Variants in SLC26A5 observed in about 807,000 individuals in gnomAD.
The protein encoded by SLC26A5 is prestin.
A neutral mutation model predicts 81.0 loss-of-function variants in SLC26A5; 51 were observed. The ratio of observed to expected loss-of-function variants is 0.63; its 90% CI spans 0.50 to 0.80. The LOEUF (loss-of-function observed/expected upper bound fraction) is 0.80. Among genes scored for constraint, SLC26A5 ranks in the 30% least tolerant of loss-of-function variants. The pLI is 0.00. For missense variants in SLC26A5, 771 were observed against 905.8 expected (o/e 0.85, Z 1.91); for synonymous variants, 325 against 332.8 (o/e 0.98, Z 0.25).
At chr7:103,361,281 C>T (rs927703762) in intron 19 of SLC26A5, among the ~76,000 whole-genome samples, 26 of 150,414 alleles carry the variant, frequency 1.7e-4, no homozygotes, top group Non-Finnish European at 3.4e-4. Flanking sequence ...GTTGGGATTT[C>T]GAGACCAGCC....
intron 4 of SLC26A5, among the ~76,000 whole-genome samples, chr7:103,419,907 T>TAAA (rs1825205486): frequency 6.6e-6 from 1 of 152,132 alleles, no homozygotes; most frequent in African/African-American, 2.4e-5. Flanking sequence ...ATAATTAAAA[T>TAAA]TTTTATATGT....
rs76841934 is a variant in SLC26A5 at position 103,418,768 on chromosome 7, T to C, written c.292+1970A>G. On this transcript the variant is annotated intron_variant, in intron 4 of 19. Coordinates refer to ENST00000306312, the MANE Select transcript of SLC26A5 (RefSeq NM_198999.3). The stretch of plus-strand genomic sequence containing the variant: ...TGACCTACAGCTGTTCAAGCCATTA[T>C]CACCTTTGCCTACCATGAGCTGCTG... Among the ~76,000 whole-genome samples the C allele has an allele frequency of 8.2e-3, 1,256 of 152,296 alleles. 17 individuals carry two copies. Among genetic ancestry groups the C allele is most frequent in the African/African-American group, 0.029 (1,206 of 41,556 alleles).
intron 2 of SLC26A5, among the ~76,000 whole-genome samples, chr7:103,436,730 T>G (rs1041712957): frequency 1.3e-5 from 2 of 152,196 alleles, no homozygotes; most frequent in Non-Finnish European, 2.9e-5. Flanking sequence ...CTGGGAAAAC[T>G]GGCTATCCAC....
chr7:103,423,992 G>A (rs900924117), intron 2 of SLC26A5, among the ~76,000 whole-genome samples: 2 of 152,116 alleles, frequency 1.3e-5, no homozygotes, highest in South Asian at 4.2e-4. Flanking sequence ...TGTATGAGTG[G>A]AGTTTGACAC....
rs778471150 is a variant in SLC26A5 at position 103,374,460 on chromosome 7, G to A, written c.2174C>T (p.Ser725Leu). Reference protein sequence around the residue: ...LREALAEQEASAPPSQEDLEP... With the variant: ...LREALAEQEALAPPSQEDLEP... ...CAAGTCCTCCTGGGAAGGGGGAGCC[G>A]AGGCTTCCTGTTCAGCAAGTGCCTC... The change falls in exon 20 of 20, where the codon TCG (serine) becomes TTG (leucine). Residue 725 changes from serine to leucine, a missense_variant. Coordinates refer to ENST00000306312, the MANE Select transcript of SLC26A5 (RefSeq NM_198999.3). The A allele has an allele frequency of 3.1e-6, 5 of 1,613,194 alleles. No homozygotes were observed. The highest frequency in any genetic ancestry group is 2.2e-5 in the South Asian group (2 of 91,026).
chr7:103,371,127 C>T (rs1821006812), downstream of SLC26A5, among the ~76,000 whole-genome samples: 1 of 152,116 alleles, frequency 6.6e-6, no homozygotes, highest in Non-Finnish European at 1.5e-5. Flanking sequence ...AACATTCTGA[C>T]GTATTTACAT....
chr7:103,412,704 C>G (rs986514978), intron 5 of SLC26A5, among the ~76,000 whole-genome samples: 2 of 151,914 alleles, frequency 1.3e-5, no homozygotes, highest in Non-Finnish European at 2.9e-5. Flanking sequence ...CACCCCTCAC[C>G]AAGCCTGGCA....
intron 4 of SLC26A5, among the ~76,000 whole-genome samples, chr7:103,420,434 T>C (rs1384660575): frequency 6.6e-6 from 1 of 151,864 alleles, no homozygotes; most frequent in Non-Finnish European, 1.5e-5. Context: ...TAGCTGAGAC[T>C]ACAGGCATGC....
chr7:103,386,390 ACT>A (rs1160020066), intron 14 of SLC26A5, among the ~76,000 whole-genome samples: 1 of 151,560 alleles, frequency 6.6e-6, no homozygotes, highest in Non-Finnish European at 1.5e-5. Flanking sequence ...ACACGATGAA[ACT>A]CTGTCTTTAC....
In SLC26A5 at chr7:103,367,348, C is replaced by CA. The variant is rs1820769294; in HGVS notation, c.2041+9459dup. 1 of 1,508,978 alleles carries CA rather than the reference C, an allele frequency of 6.6e-7. No homozygotes were observed. The highest frequency in any genetic ancestry group is 1.4e-5 in the African/African-American group (1 of 72,578). 93.5% of individuals were successfully genotyped at this position (1,508,978 alleles called of 1,614,324 possible). A position where few individuals can be genotyped will look rare whatever the true frequency, so the allele number is the denominator to read the frequency against. On this transcript the variant is annotated intron_variant, in intron 19 of 19. Transcript: ENST00000339444. This position sits in a 1 kb window ranked among gnomAD's most constrained non-coding sequence, Gnocchi z 6.1. ...TTTGAGCTGAGATTTTTGGTACTTT[C>CA]AGGTCATGCATAGTGCTACTCTTGA...
At chr7:103,424,919 C>G (rs780957074) in intron 2 of SLC26A5, among the ~76,000 whole-genome samples, 5 of 152,196 alleles carry the variant, frequency 3.3e-5, no homozygotes, top group Non-Finnish European at 5.9e-5. Context: ...AATGGGTATT[C>G]ACTACTTGTG....
At chr7:103,382,372 C>A (rs1336628989) in intron 14 of SLC26A5, among the ~76,000 whole-genome samples, 1 of 95,340 alleles carries the variant, frequency 1.0e-5, no homozygotes, top group Non-Finnish European at 1.9e-5. Flanking sequence ...TTTTTTGAGG[C>A]GGAGTCTTAT....
At chr7:103,373,194 C>T (rs1046472299), downstream of SLC26A5, among the ~76,000 whole-genome samples, 1 of 152,100 alleles carries the variant, frequency 6.6e-6, no homozygotes, top group African/African-American at 2.4e-5. Context: ...AAAGGAATAC[C>T]ACACAGATAA....
intron 17 of SLC26A5, among the ~76,000 whole-genome samples, 182 bp from the exon 18 acceptor site, chr7:103,377,981 A>C (rs1821484878): frequency 6.6e-6 from 1 of 152,222 alleles, no homozygotes; most frequent in Non-Finnish European, 1.5e-5. Flanking sequence ...TATGTATAAC[A>C]TTCCATTTTA....
intron 14 of SLC26A5, among the ~76,000 whole-genome samples, chr7:103,388,046 G>GT (rs1340538871): frequency 2.0e-5 from 3 of 151,832 alleles, no homozygotes; most frequent in African/African-American, 4.8e-5. Context: ...ACAAAAAGGT[G>GT]TTTTTTTGTT....
chr7:103,374,317 A>T lies in SLC26A5; in HGVS notation c.*82T>A. ...ACTAGTATTCACCCTTAGAAAAAAA[A>T]ATCTAGCGTCTAGTATTTAAAACGT... On this transcript the variant is annotated 3_prime_UTR_variant, in exon 20 of 20. Transcript: ENST00000306312. 1.3e-6 allele frequency: 2 copies of T among 1,568,802 alleles called. No individual in the cohort carries two copies. Among genetic ancestry groups the T allele is most frequent in the Non-Finnish European group, 1.7e-6 (2 of 1,158,242 alleles).
chr7:103,389,724 G>A (rs1276972393), intron 12 of SLC26A5, among the ~76,000 whole-genome samples: 1 of 152,150 alleles, frequency 6.6e-6, no homozygotes, highest in Non-Finnish European at 1.5e-5. Flanking sequence ...CCAGGTTCAA[G>A]CAATTCTCCT....
chr7:103,410,349 G>A (rs751620168), intron 7 of SLC26A5, 36 bp downstream of exon 7: 3 of 1,572,960 alleles, frequency 1.9e-6, no homozygotes, highest in African/African-American at 2.7e-5. Flanking sequence ...GGAATAAAGA[G>A]AAAAGTACCA....
At chr7:103,445,339 C>A (rs1827206510) in intron 1 of SLC26A5, 1 of 152,222 alleles carries the variant, frequency 6.6e-6, no homozygotes, top group Admixed American at 6.5e-5. Flanking sequence ...AGGCAGTCAA[C>A]CAAGTCAATT....
Sources: gnomAD v4.1 joint callset for allele counts (sites outside exome capture counted in the v4.1 genomes callset) on GRCh38, gnomAD v4.1.1 for gene constraint, Gnocchi (gnomAD v3.1) non-coding constraint, MANE v1.5 for transcripts, NCBI Gene and HGNC (gene_info 2026-07-23, HGNC 2026-07-21) for gene names.